The following ANK3 variants were observed in gnomAD, a reference collection of about 807,000 sequenced individuals.
The protein encoded by ANK3 is ankyrin-3.
A neutral mutation model predicts 370.9 loss-of-function variants in ANK3; 57 were observed. The ratio of observed to expected loss-of-function variants is 0.15; its 90% CI spans 0.12 to 0.19. ANK3 has a LOEUF of 0.19. Among genes scored for constraint, ANK3 ranks in the 10% least tolerant of loss-of-function variants. The probability of loss-of-function intolerance (pLI) is 1.00; values close to 1 mark genes in which losing one functional copy is unlikely to be tolerated. For synonymous variants in ANK3, 1,929 were observed against 1,946.3 expected, an observed-to-expected ratio of 0.99 and a Z score of 0.23; for missense variants, 4,439 against 5,302.1, an observed-to-expected ratio of 0.84 and a Z score of 5.06.
In ANK3 at chr10:60,070,550, T is replaced by A. The variant is rs778395196; in HGVS notation, c.10331A>T (p.Asp3444Val). 7 of 1,614,042 alleles carry A rather than the reference T, an allele frequency of 4.3e-6. No homozygotes were observed. The highest frequency in any genetic ancestry group is 1.1e-5 in the South Asian group (1 of 91,086). Reference protein sequence around the residue: ...LPIQAMEIKKDIWNTEGILKP... With the variant: ...LPIQAMEIKKVIWNTEGILKP... ...CAGAATGCCCTCTGTGTTCCAGATA[T>A]CTTTCTTAATTTCCATGGCTTGAAT... Residue 3444 changes from aspartate to valine, a missense_variant, in exon 37 of 44, where the codon GAT becomes GTT. Around this residue, in one of 13 missense-constraint regions of ANK3, gnomAD observed 1,601 missense variants for 1,731.7 expected, o/e 0.92. Coordinates refer to ENST00000280772, the MANE Select transcript of ANK3 (RefSeq NM_020987.5). This position sits in a 1 kb window ranked among gnomAD's most constrained non-coding sequence, Gnocchi z 5.7.
At chr10:60,117,600 T>C (rs781728572) in intron 25 of ANK3, among the ~76,000 whole-genome samples, 5 of 152,076 alleles carry the variant, frequency 3.3e-5, no homozygotes, top group Non-Finnish European at 7.4e-5. Context: ...GTAGATCACT[T>C]GAGGTCAGGA....
At chr10:60,618,263 T>C (rs2078290449) in intron 1 of ANK3, among the ~76,000 whole-genome samples, 1 of 152,150 alleles carries the variant, frequency 6.6e-6, no homozygotes, top group African/African-American at 2.4e-5. Flanking sequence ...AAAATTTATA[T>C]ATAGCCAAAA....
At chr10:60,549,789 T>A (rs781169207) in intron 2 of ANK3, among the ~76,000 whole-genome samples, 1 of 152,168 alleles carries the variant, frequency 6.6e-6, no homozygotes, top group Admixed American at 6.5e-5. Flanking sequence ...GCAGTACATA[T>A]ACAGGTACAT....
In ANK3 at chr10:60,027,343, T is replaced by G. The variant is rs2072457958; in HGVS notation, c.*2503A>C. ...CCTCTCAAGGGTCTAACTTTACCCA[T>G]CATAAAATAATTTTGGTGCAAGGGT... On this transcript the variant is annotated 3_prime_UTR_variant, in exon 44 of 44. Transcript: ENST00000280772. 1 of 144,980 alleles carries G rather than the reference T, an allele frequency of 6.9e-6. No individual in the cohort carries two copies. The highest frequency in any genetic ancestry group is 7.0e-5 in the Admixed American group (1 of 14,366). 9.0% of individuals were successfully genotyped at this position (144,980 alleles called of 1,614,324 possible).
intron 1 of ANK3, among the ~76,000 whole-genome samples, chr10:60,312,950 G>C (rs1322737928): frequency 6.6e-6 from 1 of 152,162 alleles, no homozygotes; most frequent in Non-Finnish European, 1.5e-5. Flanking sequence ...CCATGATTGA[G>C]AGCCATCAAG....
At chr10:60,088,060 G>A (rs2087152648) in intron 29 of ANK3, 87 bp downstream of exon 29, 2 of 1,027,186 alleles carry the variant, frequency 1.9e-6, no homozygotes, top group Admixed American at 3.8e-5. Flanking sequence ...GTATCATTAG[G>A]ATGTTAGAAT....
At chr10:60,547,179 C>T (rs535627555) in intron 2 of ANK3, among the ~76,000 whole-genome samples, 24 of 151,476 alleles carry the variant, frequency 1.6e-4, no homozygotes, top group African/African-American at 5.6e-4. Flanking sequence ...AAACCTCCAC[C>T]TCCTGGGCTC....
At chr10:60,487,823 T>C (rs1225129924) in intron 2 of ANK3, among the ~76,000 whole-genome samples, 2 of 151,790 alleles carry the variant, frequency 1.3e-5, no homozygotes, top group Non-Finnish European at 1.5e-5. Context: ...CCAGCAATTC[T>C]CCTGCCTCAG....
intron 1 of ANK3, chr10:60,733,174 G>C: frequency 8.7e-7 from 1 of 1,151,172 alleles, no homozygotes; most frequent in Non-Finnish European, 1.1e-6. Context: ...GACTCCTGGG[G>C]CCCCCCGGCC....
chr10:60,053,727 C>A (rs1046489532), intron 42 of ANK3: 43 of 1,303,546 alleles, frequency 3.3e-5, no homozygotes, highest in Admixed American at 4.6e-5. Context: ...GGACTTTTGA[C>A]CTGATTTTTT....
intron 23 of ANK3, among the ~76,000 whole-genome samples, chr10:60,163,097 TTC>T (rs1196854292): frequency 3.9e-5 from 6 of 152,122 alleles, no homozygotes; most frequent in Admixed American, 3.3e-4. Flanking sequence ...TTTCTCTCCT[TTC>T]TCTTTCTTCT....
At chr10:60,429,832 C>T (rs1189994760) in intron 2 of ANK3, among the ~76,000 whole-genome samples, 3 of 152,144 alleles carry the variant, frequency 2.0e-5, no homozygotes, top group African/African-American at 4.8e-5. Flanking sequence ...ATATTATTAA[C>T]AGTATATATT....
intron 43 of ANK3, among the ~76,000 whole-genome samples, chr10:60,030,029 G>A (rs570726548): frequency 6.6e-6 from 1 of 151,702 alleles, no homozygotes; most frequent in East Asian, 1.9e-4. Context: ...AGAGGACAAG[G>A]CCCTAAGGTG....
At chr10:60,063,826 C>T (rs188149072) in intron 39 of ANK3, among the ~76,000 whole-genome samples, 9 of 152,176 alleles carry the variant, frequency 5.9e-5, no homozygotes, top group Admixed American at 1.3e-4. Context: ...GTGGTAACTT[C>T]GGAGTGTTTC....
chr10:60,292,988 C>T (rs1593183612), intron 1 of ANK3, among the ~76,000 whole-genome samples: 1 of 152,196 alleles, frequency 6.6e-6, no homozygotes, highest in Non-Finnish European at 1.5e-5. Context: ...GGATTACAGG[C>T]ATGAGCCACC....
intron 2 of ANK3, among the ~76,000 whole-genome samples, chr10:60,405,339 A>G (rs2063432340): frequency 6.6e-6 from 1 of 152,194 alleles, no homozygotes; most frequent in South Asian, 2.1e-4. Context: ...AAGAAGGAAA[A>G]AACCCCTACT....
intron 23 of ANK3, among the ~76,000 whole-genome samples, chr10:60,148,768 T>C (rs2094948661): frequency 6.6e-6 from 1 of 152,234 alleles, no homozygotes; most frequent in African/African-American, 2.4e-5. Context: ...ATGAACTAAT[T>C]GCTAGCCACA....
chr10:60,638,261 A>G (rs1418204498), intron 1 of ANK3, among the ~76,000 whole-genome samples: 1 of 152,172 alleles, frequency 6.6e-6, no homozygotes, highest in African/African-American at 2.4e-5. Flanking sequence ...GCCAGAGTGG[A>G]GAGACTTTGT....
At chr10:60,418,166 T>TGATATGCAC (rs1398949031) in intron 2 of ANK3, among the ~76,000 whole-genome samples, 1 of 152,162 alleles carries the variant, frequency 6.6e-6, no homozygotes, top group Non-Finnish European at 1.5e-5. Context: ...GCCGGCCTCC[T>TGATATGCAC]GATATGCACT....
Sources: allele counts gnomAD v4.1 joint callset (sites outside exome capture counted in the v4.1 genomes callset), GRCh38; gene constraint gnomAD v4.1.1; regional missense constraint gnomAD v4.1.1; non-coding constraint Gnocchi (gnomAD v3.1); transcripts MANE v1.5; gene names NCBI Gene and HGNC (gene_info 2026-07-23, HGNC 2026-07-21).